PCDHGA5: variants seen among roughly 807,000 people sequenced by gnomAD.
PCDHGA5 encodes the protein protocadherin gamma subfamily A, 5.
Under a neutral mutation model 56.7 loss-of-function variants are expected in PCDHGA5, and 36 were observed. The observed-to-expected ratio is 0.64, with a 90% CI of 0.49 to 0.84. The LOEUF (loss-of-function observed/expected upper bound fraction) is 0.84, where lower values mean the gene tolerates loss of function less well. Among genes scored for constraint, PCDHGA5 ranks in the 40% least tolerant of loss-of-function variants. PCDHGA5 has a pLI of 0.00. For missense variants in PCDHGA5, 1,305 were observed against 1,201.5 expected (o/e 1.09, Z -1.27); for synonymous variants, 563 against 520.2 (o/e 1.08, Z -1.12).
In PCDHGA5 at chr5:141,414,483, A is replaced by G. The variant is rs756254490; in HGVS notation, c.2421+47732A>G. 20 of 1,613,826 alleles carry G rather than the reference A, an allele frequency of 1.2e-5. No homozygotes were observed. In the Admixed American group the frequency reaches 1.8e-4, roughly 15 times the overall value. ...CCACAGATGGGGGAAGTCCTCCTCT[A>G]TCAACGGAAGCTCACTTTATGCTAC... On this transcript the variant is annotated intron_variant, in intron 1 of 3. Transcript: ENST00000518069.
intron 2 of PCDHGA5, among the ~76,000 whole-genome samples, chr5:141,504,008 C>G (rs2099835164): frequency 6.6e-6 from 1 of 152,208 alleles, no homozygotes; most frequent in South Asian, 2.1e-4. Flanking sequence ...ACTTAACTGT[C>G]TCTGCTGGTC....
chr5:141,370,539 AAC>A, intron 1 of PCDHGA5: 3 of 1,613,826 alleles, frequency 1.9e-6, no homozygotes, highest in Non-Finnish European at 2.5e-6. Context: ...GCTGGTAGGG[AAC>A]CTCGCCAAGG....
chr5:141,501,333 A>ACACACACC (rs1186649373), intron 2 of PCDHGA5, among the ~76,000 whole-genome samples: 1 of 140,020 alleles, frequency 7.1e-6, no homozygotes, highest in African/African-American at 2.6e-5. Context: ...ACACACACAC[A>ACACACACC]CCCCAAACTC....
At position 141,491,798 on chromosome 5, in the gene PCDHGA5, G is replaced by A. The variant is rs1269524283; in HGVS notation, c.2422-3009G>A. 1 of 1,506,648 alleles carries A rather than the reference G, an allele frequency of 6.6e-7. No homozygotes were observed. The highest frequency in any genetic ancestry group is 8.9e-7 in the Non-Finnish European group (1 of 1,128,050). The allele number at this position is 1,506,648 out of a possible 1,614,324, so 93.3% of individuals were successfully genotyped here. ...TTGAACTTGCATCCACTCCTCTCCG[G>A]CCGGCTTGGTCGCTGGCTGCGCTCC... On this transcript the variant is annotated intron_variant, in intron 1 of 3. Coordinates refer to ENST00000518069, the MANE Select transcript of PCDHGA5 (RefSeq NM_018918.3). This position sits in a 1 kb window ranked among gnomAD's most constrained non-coding sequence, Gnocchi z 6.9.
chr5:141,493,052 T>G lies in PCDHGA5; in HGVS notation c.2422-1755T>G, dbSNP rs1362566525. 6.6e-6 allele frequency among the ~76,000 whole-genome samples: 1 copy of G among 152,104 alleles called. No individual in the cohort carries two copies. The highest frequency in any genetic ancestry group is 2.4e-5 in the African/African-American group (1 of 41,416). Reference sequence around the variant, plus strand: ...CTTATGTGTGAGGAAACTACAATAGTAAAAAACACAAGTTTCTCCAACTCC... The same window carrying G: ...CTTATGTGTGAGGAAACTACAATAGGAAAAAACACAAGTTTCTCCAACTCC... On this transcript the variant is annotated intron_variant, in intron 1 of 3. Coordinates refer to ENST00000518069, the MANE Select transcript of PCDHGA5 (RefSeq NM_018918.3). This position sits in a 1 kb window ranked among gnomAD's most constrained non-coding sequence, Gnocchi z 4.3.
rs192411178 is a variant in PCDHGA5, at chr5:141,397,840, C to A, written c.2421+31089C>A. ...AATTACTGCACTGGTTAACTTGAAG[C>A]CGCAGAGGCTGTAGTTTCCTAGTGC... On this transcript the variant is annotated intron_variant, in intron 1 of 3. Transcript: ENST00000518069. 268 of 517,094 alleles carry A rather than the reference C, an allele frequency of 5.2e-4. 2 individuals carry two copies. Among genetic ancestry groups the A allele is most frequent in the African/African-American group, 4.6e-3 (241 of 51,950 alleles). The allele number at this position is 517,094 out of a possible 1,614,324, so 32.0% of individuals were successfully genotyped here. A position where few individuals can be genotyped will look rare whatever the true frequency, so the allele number is the denominator to read the frequency against.
chr5:141,394,485 A>G (rs376708104), intron 1 of PCDHGA5: 3 of 1,614,184 alleles, frequency 1.9e-6, no homozygotes, highest in Non-Finnish European at 2.5e-6. Flanking sequence ...CCAGAATGAC[A>G]ACGCGCCCGA....
chr5:141,371,128 A>G (rs1767509392), intron 1 of PCDHGA5: 1 of 1,614,008 alleles, frequency 6.2e-7, no homozygotes, highest in Non-Finnish European at 8.5e-7. Context: ...TTTACTCAGG[A>G]CATGTACAGG....
At chr5:141,465,979 G>C (rs779605313) in intron 1 of PCDHGA5, among the ~76,000 whole-genome samples, 26 of 151,846 alleles carry the variant, frequency 1.7e-4, no homozygotes, top group Non-Finnish European at 3.8e-4. Flanking sequence ...AAAATTAGCC[G>C]GGCATGGTGG....
intron 1 of PCDHGA5, chr5:141,409,285 T>G (rs773096828): frequency 6.2e-7 from 1 of 1,613,966 alleles, no homozygotes; most frequent in South Asian, 1.1e-5. Context: ...AGAATTCACC[T>G]CCAGGAATGG....
intron 1 of PCDHGA5, chr5:141,400,414 C>G: frequency 6.2e-7 from 1 of 1,614,058 alleles, no homozygotes; most frequent in African/African-American, 1.3e-5. Flanking sequence ...GTTTAATTTC[C>G]TAAAATGTAG....
intron 1 of PCDHGA5, chr5:141,394,832 C>G: frequency 1.9e-6 from 3 of 1,613,828 alleles, no homozygotes; most frequent in Non-Finnish European, 2.5e-6. Context: ...AAGTCCTGAC[C>G]GAGTTGGGCA....
chr5:141,372,431 C>T (rs1389799630), intron 1 of PCDHGA5: 1 of 1,614,052 alleles, frequency 6.2e-7, no homozygotes, highest in East Asian at 2.2e-5. Context: ...GCGACCGCCC[C>T]ACTCCCTCTG....
At chr5:141,403,740 C>T in intron 1 of PCDHGA5, 1 of 1,613,920 alleles carries the variant, frequency 6.2e-7, no homozygotes, top group Non-Finnish European at 8.5e-7. Flanking sequence ...TGGCTGCTTA[C>T]TGCAACAGCC....
intron 1 of PCDHGA5, chr5:141,400,205 C>CCACCACCA: frequency 6.2e-7 from 1 of 1,614,016 alleles, no homozygotes; most frequent in South Asian, 1.1e-5. Flanking sequence ...GTGGCCTTGG[C>CCACCACCA]CTTGATCTCA....
intron 1 of PCDHGA5, chr5:141,415,450 C>T (rs774745130): frequency 1.9e-6 from 3 of 1,614,202 alleles, no homozygotes; most frequent in Non-Finnish European, 2.5e-6. Flanking sequence ...GACCTATTCC[C>T]ACGAGGTCTC....
At chr5:141,510,627 G>C (rs2099881988) in intron 3 of PCDHGA5, among the ~76,000 whole-genome samples, 2 of 152,090 alleles carry the variant, frequency 1.3e-5, no homozygotes, top group South Asian at 2.1e-4. Context: ...AACCAGAAGA[G>C]GTGGTTACCA....
chr5:141,372,977 T>G, intron 1 of PCDHGA5: 1 of 661,716 alleles, frequency 1.5e-6, no homozygotes, highest in Non-Finnish European at 2.5e-6. Flanking sequence ...CTGTAGAATA[T>G]CTGTGTTGCA....
chr5:141,382,260 G>T (rs1033176333), intron 1 of PCDHGA5, among the ~76,000 whole-genome samples: 8 of 152,108 alleles, frequency 5.3e-5, no homozygotes, highest in African/African-American at 1.4e-4. Context: ...GCATCATGGT[G>T]TCTAGAACAT....
Sources: allele counts gnomAD v4.1 joint callset (sites outside exome capture counted in the v4.1 genomes callset), GRCh38; gene constraint gnomAD v4.1.1; non-coding constraint Gnocchi (gnomAD v3.1); transcripts MANE v1.5; gene names NCBI Gene and HGNC (gene_info 2026-07-23, HGNC 2026-07-21).